AGPAT4: variants seen among roughly 807,000 people sequenced by gnomAD.
AGPAT4 encodes the protein 1-acylglycerol-3-phosphate O-acyltransferase 4.
A neutral mutation model predicts 48.0 loss-of-function variants in AGPAT4; 15 were observed. The ratio of observed to expected loss-of-function variants is 0.31; its 90% confidence interval spans 0.21 to 0.48. The LOEUF is 0.48. Among genes scored for constraint, AGPAT4 ranks in the 20% least tolerant of loss-of-function variants. The pLI is 0.99. For synonymous variants in AGPAT4, 178 were observed against 198.7 expected (o/e 0.90, Z 0.88); for missense variants, 314 against 482.5 (o/e 0.65, Z 3.27).
rs1375088499 is a variant in AGPAT4 at position 161,236,301 on chromosome 6, G to A, written c.-89-3999C>T. On this transcript the variant is annotated intron_variant, in intron 1 of 8. Coordinates refer to ENST00000320285, the MANE Select transcript of AGPAT4 (RefSeq NM_020133.3). This position sits in a 1 kb window ranked among gnomAD's most constrained non-coding sequence, Gnocchi z 5.0. ...AAAAAAAGATGTTTCTTACTATCAA[G>A]GCCAAAAATGATGAACTCGTGTGCT... is the stretch of plus-strand genomic sequence containing the variant. Among the ~76,000 whole-genome samples, 1 of 152,052 alleles carries A rather than the reference G, an allele frequency of 6.6e-6. No homozygotes were observed. The highest frequency in any genetic ancestry group is 6.6e-5 in the Admixed American group (1 of 15,266).
In AGPAT4 at chr6:161,217,326, C is replaced by T. The variant is rs536949100; in HGVS notation, c.178+14710G>A. On this transcript the variant is annotated intron_variant, in intron 2 of 8. Transcript: ENST00000320285. This position sits in a 1 kb window ranked among gnomAD's most constrained non-coding sequence, Gnocchi z 4.9. ...CAGAAGGTGCTCAATAGATGTCTACCAAGTTGAATGAAAGGGCATCTCACT... is the reference window on the plus strand; with the variant it reads ...CAGAAGGTGCTCAATAGATGTCTACTAAGTTGAATGAAAGGGCATCTCACT... Among the ~76,000 whole-genome samples the T allele has an allele frequency of 1.3e-5, 2 of 152,256 alleles. No individual in the cohort carries two copies. The highest frequency in any genetic ancestry group is 3.9e-4 in the East Asian group (2 of 5,162).
chr6:161,151,863 G>A (rs1779600509), intron 5 of AGPAT4, among the ~76,000 whole-genome samples: 1 of 152,216 alleles, frequency 6.6e-6, no homozygotes, highest in African/African-American at 2.4e-5. Context: ...GGGCATCCTT[G>A]GCCCTGGGGC....
intron 2 of AGPAT4, among the ~76,000 whole-genome samples, chr6:161,199,180 T>C (rs1781151033): frequency 6.6e-6 from 1 of 152,120 alleles, no homozygotes; most frequent in Non-Finnish European, 1.5e-5. Context: ...TGCATCAGAC[T>C]TGCAGAAACA....
chr6:161,146,551 G>A lies in AGPAT4; in HGVS notation c.816C>T (p.Ala272=), dbSNP rs774591636. Residue 272 remains alanine, a synonymous_variant, in exon 7 of 9, where the codon GCC becomes GCT. Transcript: ENST00000320285. This position sits in a 1 kb window ranked among gnomAD's most constrained non-coding sequence, Gnocchi z 7.1. ...DIPEDDDECS[A]WLHKLYQEKD... ...TCTCCTGGTAGAGCTTGTGCAGCCA[G>A]GCCGAGCACTCGTCATCGTCTTCAG... The A allele has an allele frequency of 6.2e-7, 1 of 1,614,060 alleles. No homozygotes were observed. The highest frequency in any genetic ancestry group is 8.5e-7 in the Non-Finnish European group (1 of 1,180,030).
chr6:161,248,786 C>T (rs934244291), intron 1 of AGPAT4, among the ~76,000 whole-genome samples: 1 of 152,052 alleles, frequency 6.6e-6, no homozygotes, highest in African/African-American at 2.4e-5. Context: ...TATTAAACTA[C>T]CAATGACATT....
chr6:161,181,627 G>C (rs763170035), intron 2 of AGPAT4, among the ~76,000 whole-genome samples: 20 of 152,158 alleles, frequency 1.3e-4, no homozygotes, highest in Non-Finnish European at 2.6e-4. Flanking sequence ...GCCCAGGCTG[G>C]AGTGCAGTGG....
chr6:161,141,886 A>G lies in AGPAT4; in HGVS notation c.844-2266T>C, dbSNP rs1479418614. On this transcript the variant is annotated intron_variant, in intron 7 of 8. Transcript: ENST00000320285. The surrounding 1 kb of genome is among the most constrained non-coding windows in gnomAD (Gnocchi z 6.7). Reference sequence around the variant, plus strand: ...TTCACTTTATTTTATTTTTTGAGACAGAGTCTCACTCTGTCGCACAGGCTG... The same window carrying G: ...TTCACTTTATTTTATTTTTTGAGACGGAGTCTCACTCTGTCGCACAGGCTG... Among the ~76,000 whole-genome samples, 1 of 152,064 alleles carries G rather than the reference A, an allele frequency of 6.6e-6. No individual in the cohort carries two copies. The highest frequency in any genetic ancestry group is 1.5e-5 in the Non-Finnish European group (1 of 67,998).
chr6:161,179,964 A>G (rs1281749119), intron 2 of AGPAT4, among the ~76,000 whole-genome samples: 5 of 152,134 alleles, frequency 3.3e-5, no homozygotes, highest in Non-Finnish European at 7.3e-5. Context: ...AAAATAAACA[A>G]TTTAAAATCA....
chr6:161,265,602 A>G (rs1408605973), intron 1 of AGPAT4, among the ~76,000 whole-genome samples: 1 of 152,178 alleles, frequency 6.6e-6, no homozygotes, highest in Non-Finnish European at 1.5e-5. Flanking sequence ...CCCAGGTGGG[A>G]GCAGGTTTGT....
At chr6:161,203,622 T>C (rs984506473) in intron 2 of AGPAT4, among the ~76,000 whole-genome samples, 4 of 152,092 alleles carry the variant, frequency 2.6e-5, no homozygotes, top group African/African-American at 9.7e-5. Flanking sequence ...GGTCTCCAAC[T>C]CCTGACCTCA....
chr6:161,272,110 ATTTT>A lies in AGPAT4; in HGVS notation c.-90+1824_-90+1827del, dbSNP rs1783442210. On this transcript the variant is annotated intron_variant, in intron 1 of 8. Coordinates refer to ENST00000320285, the MANE Select transcript of AGPAT4 (RefSeq NM_020133.3). This position sits in a 1 kb window ranked among gnomAD's most constrained non-coding sequence, Gnocchi z 4.2. Reference sequence around the variant, plus strand: ...GTTTTGTGCCATGCTATTTTGCCCCATTTTCAGGTAACTTTTCTACCTGAATTAC... The same window carrying A: ...GTTTTGTGCCATGCTATTTTGCCCCACAGGTAACTTTTCTACCTGAATTAC... Among the ~76,000 whole-genome samples, 1 of 152,104 alleles carries A rather than the reference ATTTT, an allele frequency of 6.6e-6. No homozygotes were observed. The highest frequency in any genetic ancestry group is 1.5e-5 in the Non-Finnish European group (1 of 68,022).
chr6:161,140,106 C>T lies in AGPAT4; in HGVS notation c.844-486G>A, dbSNP rs939597923. ...GCCCAGCCCGGCCCGGCACATGCCC[C>T]GCCTTCCCGGCCTCCACAGCCAGTT... is the stretch of plus-strand genomic sequence containing the variant. On this transcript the variant is annotated intron_variant, in intron 7 of 8. Coordinates refer to ENST00000320285, the MANE Select transcript of AGPAT4 (RefSeq NM_020133.3). This position sits in a 1 kb window ranked among gnomAD's most constrained non-coding sequence, Gnocchi z 6.5. Among the ~76,000 whole-genome samples, 2 of 152,238 alleles carry T rather than the reference C, an allele frequency of 1.3e-5. No homozygotes were observed. The highest frequency in any genetic ancestry group is 6.5e-5 in the Admixed American group (1 of 15,286).
rs903933489 is a variant in AGPAT4, at chr6:161,166,594, C to A, written c.179-177G>T. ...AAGGGTTCAGAAGCGGAAGGAAACA[C>A]GAGAAAGACTTCACAACATTCTCCA... is the stretch of plus-strand genomic sequence containing the variant. On this transcript the variant is annotated intron_variant, in intron 2 of 8. Transcript: ENST00000320285. The surrounding 1 kb of genome is among the most constrained non-coding windows in gnomAD (Gnocchi z 6.7). Among the ~76,000 whole-genome samples the A allele has an allele frequency of 6.6e-6, 1 of 152,042 alleles. No homozygotes were observed. Among genetic ancestry groups the A allele is most frequent in the Non-Finnish European group, 1.5e-5 (1 of 68,016 alleles).
intron 1 of AGPAT4, among the ~76,000 whole-genome samples, chr6:161,258,226 G>T (rs1363945890): frequency 6.6e-6 from 1 of 152,162 alleles, no homozygotes; most frequent in Non-Finnish European, 1.5e-5. Context: ...TACGTCCATT[G>T]TCTTCCCTAA....
rs957348850 is a variant in AGPAT4 at position 161,158,107 on chromosome 6, C to G, written c.349-3797G>C. On this transcript the variant is annotated intron_variant, in intron 3 of 8. Coordinates refer to ENST00000320285, the MANE Select transcript of AGPAT4 (RefSeq NM_020133.3). The surrounding 1 kb of genome is among the most constrained non-coding windows in gnomAD (Gnocchi z 5.3). ...ACCCATTTTCTCTGCCATGCTTTAG[C>G]GTAATAGTAACAACAATAGATTACA... Among the ~76,000 whole-genome samples, 1 of 152,138 alleles carries G rather than the reference C, an allele frequency of 6.6e-6. No individual in the cohort carries two copies. Among genetic ancestry groups the G allele is most frequent in the Non-Finnish European group, 1.5e-5 (1 of 68,034 alleles).
rs1779093382 is a variant in AGPAT4 at position 161,137,157 on chromosome 6, A to AGAG, written c.1043-526_1043-524dup. On this transcript the variant is annotated intron_variant, in intron 8 of 8. Transcript: ENST00000320285. The surrounding 1 kb of genome is among the most constrained non-coding windows in gnomAD (Gnocchi z 6.1). Reference sequence around the variant, plus strand: ...TCTGACGGCAGGATTTGCCTACACCAGAGAATGGGCAGGACCCTCGTGGGA... The same window carrying AGAG: ...TCTGACGGCAGGATTTGCCTACACCAGAGGAGAATGGGCAGGACCCTCGTGGGA... Among the ~76,000 whole-genome samples the AGAG allele has an allele frequency of 6.6e-6, 1 of 152,196 alleles. No homozygotes were observed. Among genetic ancestry groups the AGAG allele is most frequent in the Non-Finnish European group, 1.5e-5 (1 of 68,036 alleles).
In AGPAT4 at chr6:161,149,092, C is replaced by A. The variant is rs112253120; in HGVS notation, c.767+95G>T. Reference sequence around the variant, plus strand: ...CAGACTGCAAAGAAGTCAGTGTGACCCAGGGATCCCTGGAAGAAAGTCTCT... The same window carrying A: ...CAGACTGCAAAGAAGTCAGTGTGACACAGGGATCCCTGGAAGAAAGTCTCT... On this transcript the variant is annotated intron_variant, in intron 6 of 8. Coordinates refer to ENST00000320285, the MANE Select transcript of AGPAT4 (RefSeq NM_020133.3). This position sits in a 1 kb window ranked among gnomAD's most constrained non-coding sequence, Gnocchi z 6.5. 6.8e-7 allele frequency: 1 copy of A among 1,477,002 alleles called. No individual in the cohort carries two copies. Among genetic ancestry groups the A allele is most frequent in the Non-Finnish European group, 9.0e-7 (1 of 1,110,206 alleles). 91.5% of individuals were successfully genotyped at this position (1,477,002 alleles called of 1,614,324 possible). A position where few individuals can be genotyped will look rare whatever the true frequency, so the allele number is the denominator to read the frequency against.
At chr6:161,194,123 C>T (rs1780998385) in intron 2 of AGPAT4, among the ~76,000 whole-genome samples, 1 of 152,166 alleles carries the variant, frequency 6.6e-6, no homozygotes, top group African/African-American at 2.4e-5. Flanking sequence ...AAAATACACA[C>T]TGGGTTTTGA....
At chr6:161,179,549 C>A (rs1780528374) in intron 2 of AGPAT4, among the ~76,000 whole-genome samples, 1 of 152,192 alleles carries the variant, frequency 6.6e-6, no homozygotes, top group Admixed American at 6.5e-5. Flanking sequence ...GTACATTTTT[C>A]TTCTCCTGAT....
Sources: gnomAD v4.1 joint callset for allele counts (sites outside exome capture counted in the v4.1 genomes callset) on GRCh38, gnomAD v4.1.1 for gene constraint, Gnocchi (gnomAD v3.1) non-coding constraint, MANE v1.5 for transcripts, NCBI Gene and HGNC (gene_info 2026-07-23, HGNC 2026-07-21) for gene names.